Variants in TSC22D1 observed in about 807,000 individuals in gnomAD.
TSC22D1 encodes TSC22 domain family protein 1.
A neutral mutation model predicts 74.2 loss-of-function variants in TSC22D1; 9 were observed. That is an observed-to-expected ratio of 0.12 (90% confidence interval 0.07 to 0.21). TSC22D1 has a LOEUF of 0.21. Ranked by LOEUF, TSC22D1 falls within the 10% of genes least tolerant of loss-of-function variation. TSC22D1 has a pLI of 1.00. For missense variants in TSC22D1, 1,427 were observed against 1,304.7 expected (o/e 1.09, Z -1.44); for synonymous variants, 586 against 492.5 (o/e 1.19, Z -2.51).
At chr13:44,452,070 C>A (rs945491253) in intron 1 of TSC22D1, among the ~76,000 whole-genome samples, 4 of 152,196 alleles carry the variant, frequency 2.6e-5, no homozygotes, top group Non-Finnish European at 5.9e-5. Context: ...TTGCTAGAGA[C>A]ACAAGCTTAG....
chr13:44,543,147 C>T (rs9590834), intron 1 of TSC22D1, among the ~76,000 whole-genome samples: 2,551 of 152,030 alleles, frequency 0.017, 61 homozygotes, highest in African/African-American at 0.058. Flanking sequence ...ATATTCAAAT[C>T]AGAAGCAGTA....
chr13:44,468,083 G>A (rs530486093), intron 1 of TSC22D1, among the ~76,000 whole-genome samples: 1 of 152,194 alleles, frequency 6.6e-6, no homozygotes, highest in African/African-American at 2.4e-5. Context: ...AACTTGGACA[G>A]AACTGGAGGC....
chr13:44,532,284 G>A (rs535566568), intron 1 of TSC22D1, among the ~76,000 whole-genome samples: 2 of 152,092 alleles, frequency 1.3e-5, no homozygotes, highest in African/African-American at 4.8e-5. Context: ...TAATTTCTTT[G>A]CCTAGGAGAA....
intron 1 of TSC22D1, among the ~76,000 whole-genome samples, chr13:44,459,221 G>A (rs888780055): frequency 5.3e-5 from 8 of 152,200 alleles, no homozygotes; most frequent in African/African-American, 1.7e-4. Context: ...TTGCAGGAAG[G>A]AGCGACCCAC....
intron 1 of TSC22D1, among the ~76,000 whole-genome samples, chr13:44,571,369 C>T (rs969693710): frequency 1.3e-5 from 2 of 152,078 alleles, no homozygotes; most frequent in Non-Finnish European, 2.9e-5. Context: ...AGTTAAAACT[C>T]TAGTTGAAAG....
At chr13:44,553,744 G>A (rs1882439390) in intron 1 of TSC22D1, among the ~76,000 whole-genome samples, 1 of 152,184 alleles carries the variant, frequency 6.6e-6, no homozygotes, top group South Asian at 2.1e-4. Context: ...TGTGAATTTA[G>A]GAATTTCAAA....
chr13:44,515,401 T>C (rs112894781), intron 1 of TSC22D1, among the ~76,000 whole-genome samples: 18 of 152,092 alleles, frequency 1.2e-4, no homozygotes, highest in Admixed American at 2.0e-4. Context: ...CAGAACAGCA[T>C]ATATAGTGTA....
intron 1 of TSC22D1, among the ~76,000 whole-genome samples, chr13:44,512,606 C>T (rs1318494845): frequency 6.6e-6 from 1 of 152,158 alleles, no homozygotes; most frequent in East Asian, 1.9e-4. Context: ...CCTTTCTCTA[C>T]ATCTACATCT....
chr13:44,456,293 C>G lies in TSC22D1; in HGVS notation c.2913-20198G>C, dbSNP rs571611846. Among the ~76,000 whole-genome samples the G allele has an allele frequency of 2.0e-5, 3 of 152,300 alleles. No homozygotes were observed. The East Asian group carries it at 5.8e-4, about 29-fold the overall frequency. ...GGCTGGAGTAGCCAGCTTTTATTCC[C>G]TTATTTGGCCCTGCCCACATCCTGC... On this transcript the variant is annotated intron_variant, in intron 1 of 2. Coordinates refer to ENST00000458659, the MANE Select transcript of TSC22D1 (RefSeq NM_183422.4).
intron 1 of TSC22D1, among the ~76,000 whole-genome samples, chr13:44,500,713 C>G (rs916734436): frequency 6.6e-6 from 1 of 152,130 alleles, no homozygotes; most frequent in Non-Finnish European, 1.5e-5. Context: ...GAGACAGGGT[C>G]TCACTCTGCC....
chr13:44,484,515 C>A (rs575891719), intron 1 of TSC22D1, among the ~76,000 whole-genome samples: 69 of 152,026 alleles, frequency 4.5e-4, no homozygotes, highest in Non-Finnish European at 8.2e-4. Context: ...AGTCTGGAAG[C>A]GGAAAAATGC....
At chr13:44,526,056 T>C (rs1287229333) in intron 1 of TSC22D1, among the ~76,000 whole-genome samples, 1 of 152,070 alleles carries the variant, frequency 6.6e-6, no homozygotes, top group Non-Finnish European at 1.5e-5. Context: ...TAGCCAAGAC[T>C]GTGCCACTGT....
chr13:44,569,041 G>C (rs1883568926), intron 1 of TSC22D1, among the ~76,000 whole-genome samples: 3 of 152,154 alleles, frequency 2.0e-5, no homozygotes, highest in South Asian at 4.1e-4. Flanking sequence ...TATCCAGGAA[G>C]TTAATACAGA....
intron 1 of TSC22D1, among the ~76,000 whole-genome samples, chr13:44,444,336 AATAATGACATTAAAT>A (rs1400098402): frequency 6.7e-6 from 1 of 149,624 alleles, no homozygotes; most frequent in Non-Finnish European, 1.5e-5. Context: ...AAAAAAAAAC[AATAATGACATTAAAT>A]ATAAATGGTC....
At position 44,575,251 on chromosome 13, in the gene TSC22D1, G is replaced by A. The variant is rs780293320; in HGVS notation, c.824C>T (p.Ala275Val). 1 of 1,614,092 alleles carries A rather than the reference G, an allele frequency of 6.2e-7. No homozygotes were observed. Residue 275 changes from alanine (A) to valine (V), a missense_variant, in exon 1 of 3, where the codon GCA becomes GTA. This residue lies in a region of TSC22D1 where 1,343 missense variants were observed against 1,191.5 expected (regional missense o/e 1.13). Transcript: ENST00000458659. ...ACTGGATGATACAGCAGAAGTTGGT[G>A]CAACTGGTGTGATACTGTCAGAGCT... Reference protein sequence around the residue: ...TGSSDSITPVAPTSAVSSSGS... With the variant: ...TGSSDSITPVVPTSAVSSSGS...
At chr13:44,467,591 T>C (rs1877363731) in intron 1 of TSC22D1, among the ~76,000 whole-genome samples, 1 of 151,874 alleles carries the variant, frequency 6.6e-6, no homozygotes, top group Non-Finnish European at 1.5e-5. Flanking sequence ...AGGATATGAA[T>C]AGATATTTCT....
At chr13:44,438,021 A>T (rs1370325386) in intron 1 of TSC22D1, among the ~76,000 whole-genome samples, 1 of 152,216 alleles carries the variant, frequency 6.6e-6, no homozygotes, top group Non-Finnish European at 1.5e-5. Flanking sequence ...AAAATTTCCT[A>T]TATTAATTTA....
intron 1 of TSC22D1, among the ~76,000 whole-genome samples, chr13:44,508,479 C>T (rs1451757357): frequency 2.0e-5 from 3 of 152,144 alleles, no homozygotes; most frequent in Admixed American, 6.5e-5. Context: ...AAAAAGGAAA[C>T]GAATCAGTTT....
intron 1 of TSC22D1, among the ~76,000 whole-genome samples, chr13:44,496,623 T>G (rs1878991026): frequency 6.6e-6 from 1 of 151,950 alleles, no homozygotes; most frequent in Admixed American, 6.6e-5. Context: ...AGGTGGAGGT[T>G]GCAGTGAGCC....
Sources: gnomAD v4.1 joint callset for allele counts (sites outside exome capture counted in the v4.1 genomes callset) on GRCh38, gnomAD v4.1.1 for gene constraint, gnomAD v4.1.1 regional missense constraint, MANE v1.5 for transcripts, NCBI Gene and HGNC (gene_info 2026-07-23, HGNC 2026-07-21) for gene names.